The following NAALADL1 variants were observed in gnomAD, a reference collection of about 807,000 sequenced individuals.
NAALADL1 encodes the protein N-acetylated alpha-linked acidic dipeptidase like 1.
NAALADL1 carries 77 observed loss-of-function variants against 82.8 expected under a neutral mutation model. The observed-to-expected ratio is 0.93, with a 90% CI of 0.77 to 1.12. NAALADL1 has a LOEUF of 1.12. NAALADL1 is among the 50% of genes most tolerant of loss of function. NAALADL1 has a pLI of 0.00. For missense variants in NAALADL1, 956 were observed against 964.0 expected (o/e 0.99, Z 0.11); for synonymous variants, 358 against 399.2 (o/e 0.90, Z 1.23).
At chr11:65,045,638 C>T (rs1946702713) in intron 17 of NAALADL1, 181 bp from the exon 18 acceptor site, 2 of 873,590 alleles carry the variant, frequency 2.3e-6, no homozygotes, top group East Asian at 2.7e-5. Flanking sequence ...ATGTGGGTTC[C>T]AGTCCTAGCT....
intron 13 of NAALADL1, 117 bp from the exon 14 acceptor site, chr11:65,046,643 G>A (rs1461369205): frequency 2.0e-6 from 2 of 1,009,424 alleles, no homozygotes; most frequent in African/African-American, 1.6e-5. Context: ...ATGTCTGTGA[G>A]GTGGCTTCTA....
Position 65,053,274 on chromosome 11 carries a change from C to A in NAALADL1, c.1142G>T (p.Ser381Ile). 1.3e-6 allele frequency: 2 copies of A among 1,556,196 alleles called. No homozygotes were observed. Among genetic ancestry groups the A allele is most frequent in the Non-Finnish European group, 1.7e-6 (2 of 1,150,234 alleles). ...GAGCTCCAGGAGGACGGCGGTGCCACTGCTGGGGTCCACAGCCCCGTGCAC... is the reference window on the plus strand; with the variant it reads ...GAGCTCCAGGAGGACGGCGGTGCCAATGCTGGGGTCCACAGCCCCGTGCAC... ...SWVHGAVDPS[S>I]GTAVLLELSR... is the part of the protein sequence containing the mutation. Residue 381 changes from serine (S) to isoleucine (I), a missense_variant, in exon 8 of 18, where the codon AGT becomes ATT. Physicochemically the swap from Ser to Ile is moderately radical, Grantham distance 142. Transcript: ENST00000358658. This position sits in a 1 kb window ranked among gnomAD's most constrained non-coding sequence, Gnocchi z 4.3.
chr11:65,055,257 T>C (rs1360057196), intron 4 of NAALADL1, among the ~76,000 whole-genome samples: 5 of 152,124 alleles, frequency 3.3e-5, no homozygotes, highest in Non-Finnish European at 7.3e-5. Flanking sequence ...GCCAACATGG[T>C]GAAACCTTGT....
At position 65,053,159 on chromosome 11, in the gene NAALADL1, A is replaced by G. The variant is rs1357427905; in HGVS notation, c.1198+59T>C. ...CTGCAGTGTGAGGGAGAGGAGGTGG[A>G]ACAGGAAGGGGACCTCCGGGGGCGA... is the stretch of plus-strand genomic sequence containing the variant. On this transcript the variant is annotated intron_variant, in intron 8 of 17. Transcript: ENST00000358658. The surrounding 1 kb of genome is among the most constrained non-coding windows in gnomAD (Gnocchi z 4.3). 1.3e-6 allele frequency: 2 copies of G among 1,484,658 alleles called. No homozygotes were observed. Among genetic ancestry groups the G allele is most frequent in the Admixed American group, 4.8e-5 (2 of 41,434 alleles). 92.0% of individuals were successfully genotyped at this position (1,484,658 alleles called of 1,614,324 possible).
chr11:65,045,940 T>G, intron 16 of NAALADL1, 26 bp from the exon 17 acceptor site: 1 of 1,612,704 alleles, frequency 6.2e-7, no homozygotes, highest in Non-Finnish European at 8.5e-7. Flanking sequence ...GAACTGCCAG[T>G]CACCCTGGAG....
intron 4 of NAALADL1, among the ~76,000 whole-genome samples, chr11:65,055,930 G>A (rs900544915): frequency 6.9e-6 from 1 of 145,604 alleles, no homozygotes; most frequent in Non-Finnish European, 1.5e-5. Context: ...TTGTCCCCCA[G>A]GCTGGAGTGC....
chr11:65,054,764 G>A lies in NAALADL1; in HGVS notation c.604-26C>T. 2 of 1,606,362 alleles carry A rather than the reference G, an allele frequency of 1.2e-6. No homozygotes were observed. The highest frequency in any genetic ancestry group is 1.7e-6 in the Non-Finnish European group (2 of 1,176,132). ...CTGCAGTGGGCAGAGGAGGCTGTGT[G>A]TAAGGGAGGGACCGGGACCAGATAT... On this transcript the variant is annotated intron_variant, in intron 4 of 17. Coordinates refer to ENST00000358658, the MANE Select transcript of NAALADL1 (RefSeq NM_005468.3). This position sits in a 1 kb window ranked among gnomAD's most constrained non-coding sequence, Gnocchi z 4.3.
chr11:65,045,151 G>A lies in NAALADL1; in HGVS notation c.*120C>T. 8.8e-7 allele frequency: 1 copy of A among 1,141,674 alleles called. No homozygotes were observed. Among genetic ancestry groups the A allele is most frequent in the Non-Finnish European group, 1.2e-6 (1 of 816,966 alleles). 70.7% of individuals were successfully genotyped at this position (1,141,674 alleles called of 1,614,324 possible). On this transcript the variant is annotated 3_prime_UTR_variant, in exon 18 of 18. Transcript: ENST00000358658. Reference sequence around the variant, plus strand: ...TCAGGGACCTCAAGCTGTTGCCTGAGAAGCTTGAGAGGGTCCTGTGGTAGT... The same window carrying A: ...TCAGGGACCTCAAGCTGTTGCCTGAAAAGCTTGAGAGGGTCCTGTGGTAGT...
At position 65,058,328 on chromosome 11, in the gene NAALADL1, A is replaced by C; in HGVS notation, c.185+9T>G. The C allele has an allele frequency of 6.2e-7, 1 of 1,614,060 alleles. No homozygotes were observed. Among genetic ancestry groups the C allele is most frequent in the Non-Finnish European group, 8.5e-7 (1 of 1,179,944 alleles). On this transcript the variant is annotated intron_variant, in intron 1 of 17. Transcript: ENST00000358658. ...GGCAAACGGAGGAGCAGATGGCCCC[A>C]CTTCTCACCTGAGGTTCTCCCGGAT...
At chr11:65,056,048 C>A (rs966633334) in intron 4 of NAALADL1, among the ~76,000 whole-genome samples, 1 of 151,922 alleles carries the variant, frequency 6.6e-6, no homozygotes, top group African/African-American at 2.4e-5. Context: ...CCATGAGCGG[C>A]TATTTTTTGT....
Position 65,045,920 on chromosome 11 carries a change from G to A in NAALADL1, c.1944-6C>T, listed in dbSNP as rs1379348414. On this transcript the variant is annotated splice_polypyrimidine_tract_variant and splice_region_variant and intron_variant, in intron 16 of 17. Transcript: ENST00000358658. Reference sequence around the variant, plus strand: ...GCATCCGGACCTGCAGGGGGCTGGTGGGGAGGCAGGAACTGCCAGTCACCC... The same window carrying A: ...GCATCCGGACCTGCAGGGGGCTGGTAGGGAGGCAGGAACTGCCAGTCACCC... The A allele has an allele frequency of 1.2e-6, 2 of 1,613,864 alleles. No individual in the cohort carries two copies. The highest frequency in any genetic ancestry group is 1.7e-6 in the Non-Finnish European group (2 of 1,179,906).
chr11:65,051,315 C>CTTTTTTTTTTTTTT (rs10535126), intron 8 of NAALADL1, among the ~76,000 whole-genome samples: 4 of 59,572 alleles, frequency 6.7e-5, no homozygotes, highest in South Asian at 6.9e-4. Flanking sequence ...TTCTTTCTTT[C>CTTTTTTTTTTTTTT]TTTTTTTTTT....
In NAALADL1 at chr11:65,048,034, T is replaced by G; in HGVS notation, c.1363A>C (p.Arg455=). The G allele has an allele frequency of 3.1e-6, 5 of 1,613,558 alleles. No homozygotes were observed. The highest frequency in any genetic ancestry group is 2.5e-6 in the Non-Finnish European group (3 of 1,179,844). The change falls in exon 11 of 18, where the codon AGG becomes CGG. Residue 455 remains arginine (R), a synonymous_variant. Coordinates refer to ENST00000358658, the MANE Select transcript of NAALADL1 (RefSeq NM_005468.3). ...TGGACAGGGGGCGTCCCCTGCACCC[T>G]AAGGGTAGCGTTGGCTGTGGGAGGA... ...DISVFANATL[R]VQGTPPVQSV... is the part of the protein sequence containing the mutation.
intron 17 of NAALADL1, 26 bp downstream of exon 17, chr11:65,045,796 C>G (rs1946706590): frequency 6.2e-7 from 1 of 1,607,862 alleles, no homozygotes; most frequent in Non-Finnish European, 8.5e-7. Context: ...CTGGAGGCAC[C>G]TCCCAGGACT....
chr11:65,047,678 G>C lies in NAALADL1; in HGVS notation c.1477C>G (p.Arg493Gly). 2 of 1,607,890 alleles carry C rather than the reference G, an allele frequency of 1.2e-6. No homozygotes were observed. Among genetic ancestry groups the C allele is most frequent in the Non-Finnish European group, 1.7e-6 (2 of 1,177,994 alleles). Residue 493 changes from arginine to glycine, a missense_variant, in exon 12 of 18, where the codon CGC (arginine) becomes GGC (glycine). Transcript: ENST00000358658. ...IYDNWIRYFNRSSPVYGLVPS... is the reference protein window; with the variant it reads ...IYDNWIRYFNGSSPVYGLVPS... ...ACCAGGCCGTACACCGGGCTGCTGCGGTTGAAGTACCGGATCCAGTTGTCG... is the reference window on the plus strand; with the variant it reads ...ACCAGGCCGTACACCGGGCTGCTGCCGTTGAAGTACCGGATCCAGTTGTCG...
intron 8 of NAALADL1, among the ~76,000 whole-genome samples, chr11:65,051,315 C>CTTTCTTTTTTTTTTTTTT (rs1946879993): frequency 1.7e-5 from 1 of 59,572 alleles, no homozygotes; most frequent in Non-Finnish European, 3.2e-5. Flanking sequence ...TTCTTTCTTT[C>CTTTCTTTTTTTTTTTTTT]TTTTTTTTTT....
chr11:65,045,701 ATCT>A (rs1407027757), intron 17 of NAALADL1, 118 bp downstream of exon 17: 31 of 1,048,500 alleles, frequency 3.0e-5, no homozygotes, highest in Middle Eastern at 3.1e-4. Flanking sequence ...TTACATTCCC[ATCT>A]TCTTCAGGGG....
chr11:65,058,016 A>G lies in NAALADL1; in HGVS notation c.359-20T>C. On this transcript the variant is annotated intron_variant, in intron 2 of 17. Coordinates refer to ENST00000358658, the MANE Select transcript of NAALADL1 (RefSeq NM_005468.3). ...GGCCCACTGTTGGAGGGGTGGCAGT[A>G]TCATGGCTGGGCCCAGCAGCTCCCC... 6.2e-7 allele frequency: 1 copy of G among 1,614,056 alleles called. No individual in the cohort carries two copies. Among genetic ancestry groups the G allele is most frequent in the South Asian group, 1.1e-5 (1 of 91,090 alleles).
upstream of NAALADL1, among the ~76,000 whole-genome samples, chr11:65,060,385 TC>T (rs1325821052): frequency 1.3e-5 from 2 of 151,992 alleles, no homozygotes; most frequent in Non-Finnish European, 2.9e-5. Context: ...TGACCTTGGA[TC>T]TTATCAGAAG....
Sources: gnomAD v4.1 joint callset for allele counts (sites outside exome capture counted in the v4.1 genomes callset) on GRCh38, gnomAD v4.1.1 for gene constraint, Gnocchi (gnomAD v3.1) non-coding constraint, MANE v1.5 for transcripts, NCBI Gene and HGNC (gene_info 2026-07-23, HGNC 2026-07-21) for gene names.